RORA: variants seen among roughly 807,000 people sequenced by gnomAD.
RORA encodes nuclear receptor ROR-alpha.
A neutral mutation model predicts 69.5 loss-of-function variants in RORA; 7 were observed. The observed-to-expected ratio is 0.10, with a 90% CI of 0.06 to 0.19. RORA has a LOEUF of 0.19. RORA is among the 10% of genes least tolerant of loss of function. The pLI is 1.00. For synonymous variants in RORA, 261 were observed against 240.8 expected, an observed-to-expected ratio of 1.08 and a Z score of -0.78; for missense variants, 457 against 663.0, an observed-to-expected ratio of 0.69 and a Z score of 3.41.
intron 2 of RORA, among the ~76,000 whole-genome samples, chr15:60,590,175 A>ATCTCTCTCTCTCTCTC (rs56192812): frequency 0.021 from 3,085 of 146,734 alleles, 111 homozygotes; most frequent in African/African-American, 0.074. Context: ...CTCTTCCTCT[A>ATCTCTCTCTCTCTCTC]TCTCTCTCTC....
At chr15:60,835,477 C>T (rs1182917465) in intron 1 of RORA, among the ~76,000 whole-genome samples, 2 of 152,298 alleles carry the variant, frequency 1.3e-5, no homozygotes, top group Non-Finnish European at 2.9e-5. Context: ...CTCTGATTGG[C>T]CTTCCAGAGC....
intron 1 of RORA, among the ~76,000 whole-genome samples, chr15:60,700,186 A>AT (rs2070962833): frequency 6.6e-6 from 1 of 152,228 alleles, no homozygotes; most frequent in Non-Finnish European, 1.5e-5. Flanking sequence ...TGAGATTTGA[A>AT]TAACAATTTA....
intron 1 of RORA, among the ~76,000 whole-genome samples, chr15:61,009,006 G>C (rs902880533): frequency 1.3e-5 from 2 of 152,076 alleles, no homozygotes; most frequent in Non-Finnish European, 2.9e-5. Flanking sequence ...CAGAGTCTCG[G>C]TTTCCTTATC....
intron 1 of RORA, among the ~76,000 whole-genome samples, chr15:61,070,217 T>C (rs2078321168): frequency 1.3e-5 from 2 of 152,088 alleles, no homozygotes; most frequent in Non-Finnish European, 2.9e-5. Context: ...CGACCACACC[T>C]CTCTGATGTG....
chr15:60,643,587 G>A (rs1241974952), intron 2 of RORA, among the ~76,000 whole-genome samples: 1 of 152,196 alleles, frequency 6.6e-6, no homozygotes, highest in East Asian at 1.9e-4. Context: ...TAGGCACTAT[G>A]TTATTTTCTA....
chr15:60,526,228 G>A (rs901236678), intron 3 of RORA, among the ~76,000 whole-genome samples: 6 of 152,146 alleles, frequency 3.9e-5, no homozygotes, highest in East Asian at 3.8e-4. Context: ...AATTGTATGC[G>A]CAAGTGGTCT....
intron 1 of RORA, among the ~76,000 whole-genome samples, chr15:61,165,940 T>C (rs1186667350): frequency 1.3e-5 from 2 of 152,200 alleles, no homozygotes; most frequent in African/African-American, 4.8e-5. Context: ...CCCAGGATGA[T>C]GAAGTAACTT....
At chr15:61,050,742 C>G (rs968964143) in intron 1 of RORA, among the ~76,000 whole-genome samples, 1 of 152,180 alleles carries the variant, frequency 6.6e-6, no homozygotes, top group Non-Finnish European at 1.5e-5. Context: ...TTATTGAGCA[C>G]TTACTATGTG....
At chr15:61,173,414 T>A (rs567235586) in intron 1 of RORA, among the ~76,000 whole-genome samples, 2 of 152,352 alleles carry the variant, frequency 1.3e-5, no homozygotes, top group South Asian at 4.1e-4. Flanking sequence ...TTAGGAAGGA[T>A]AAATGCATAA....
chr15:61,134,228 C>A lies in RORA; in HGVS notation c.166+94825G>T, dbSNP rs891509492. On this transcript the variant is annotated intron_variant, in intron 1 of 10. Coordinates refer to ENST00000335670, the MANE Select transcript of RORA (RefSeq NM_134261.3). ...AGCCAGCCTGAAAGTGCAGAATGGT[C>A]TGCCGGCTTATTGATGATCTAGAGT... is the stretch of plus-strand genomic sequence containing the variant. 1.3e-4 allele frequency among the ~76,000 whole-genome samples: 20 copies of A among 152,146 alleles called. No individual in the cohort carries two copies. In the East Asian group the frequency reaches 3.7e-3, roughly 28 times the overall value.
intron 1 of RORA, among the ~76,000 whole-genome samples, chr15:61,222,276 C>A (rs372228864): frequency 1.3e-5 from 2 of 152,124 alleles, no homozygotes; most frequent in Admixed American, 6.5e-5. Context: ...GAAACCACAG[C>A]GCCATGCCAC....
chr15:61,068,716 T>C (rs1348337785), intron 1 of RORA, among the ~76,000 whole-genome samples: 2 of 152,232 alleles, frequency 1.3e-5, no homozygotes, highest in African/African-American at 2.4e-5. Flanking sequence ...GTACTGGAAA[T>C]GACCACATTC....
chr15:60,778,348 A>T (rs1269274397), intron 1 of RORA, among the ~76,000 whole-genome samples: 1 of 151,562 alleles, frequency 6.6e-6, no homozygotes, highest in Non-Finnish European at 1.5e-5. Flanking sequence ...CCCTGTTCTA[A>T]CGAAAGGGCA....
intron 1 of RORA, among the ~76,000 whole-genome samples, chr15:61,142,355 T>C (rs2140864093): frequency 6.6e-6 from 1 of 152,264 alleles, no homozygotes; most frequent in African/African-American, 2.4e-5. Flanking sequence ...AGTCCAATCT[T>C]GACAATTATT....
chr15:61,050,888 A>G (rs1191907069), intron 1 of RORA, among the ~76,000 whole-genome samples: 1 of 152,210 alleles, frequency 6.6e-6, no homozygotes, highest in African/African-American at 2.4e-5. Flanking sequence ...AATAAAGCAC[A>G]TACCTAGTAG....
chr15:60,882,325 C>T (rs1294063748), intron 1 of RORA, among the ~76,000 whole-genome samples: 2 of 152,152 alleles, frequency 1.3e-5, no homozygotes, highest in Admixed American at 1.3e-4. Flanking sequence ...TATGCACTGA[C>T]CTCTAATGGG....
At position 60,653,298 on chromosome 15, in the gene RORA, CGTGTGT is replaced by C. The variant is rs61265165; in HGVS notation, c.196+25353_196+25358del. Among the ~76,000 whole-genome samples the C allele has an allele frequency of 8.0e-3, 1,177 of 147,532 alleles. 10 individuals are homozygous for C. Among genetic ancestry groups the C allele is most frequent in the African/African-American group, 0.024 (957 of 40,052 alleles). ...TTGGCATAATGTGTACAGGTGCATG[CGTGTGT>C]GTGTGTGTGTGTGTGTGTGTGTGTG... On this transcript the variant is annotated intron_variant, in intron 2 of 10. Coordinates refer to ENST00000335670, the MANE Select transcript of RORA (RefSeq NM_134261.3).
At chr15:60,996,773 G>T (rs1181320567) in intron 1 of RORA, among the ~76,000 whole-genome samples, 1 of 152,092 alleles carries the variant, frequency 6.6e-6, no homozygotes, top group Admixed American at 6.5e-5. Context: ...AGCCGGGAGT[G>T]GTGGCAGGCG....
At chr15:61,023,201 AAAAAAAAAAAC>A (rs1482558088) in intron 1 of RORA, among the ~76,000 whole-genome samples, 1 of 144,704 alleles carries the variant, frequency 6.9e-6, no homozygotes, top group Non-Finnish European at 1.5e-5. Flanking sequence ...AAAAAAAAAA[AAAAAAAAAAAC>A]TGACAAAACT....
Sources: gnomAD v4.1 joint callset for allele counts (sites outside exome capture counted in the v4.1 genomes callset) on GRCh38, gnomAD v4.1.1 for gene constraint, MANE v1.5 for transcripts, NCBI Gene and HGNC (gene_info 2026-07-23, HGNC 2026-07-21) for gene names.